THSD7B: variants seen among roughly 807,000 people sequenced by gnomAD.
The protein encoded by THSD7B is thrombospondin type 1 domain containing 7B.
A neutral mutation model predicts 213.6 loss-of-function variants in THSD7B; 138 were observed. The ratio of observed to expected loss-of-function variants is 0.65; its 90% CI spans 0.56 to 0.74. THSD7B has a LOEUF of 0.74. Among genes scored for constraint, THSD7B ranks in the 30% least tolerant of loss-of-function variants. The pLI, the probability that THSD7B is intolerant of heterozygous loss-of-function variation, is 0.00. For synonymous variants in THSD7B, 742 were observed against 687.0 expected, an observed-to-expected ratio of 1.08 and a Z score of -1.25; for missense variants, 1,931 against 1,991.5, an observed-to-expected ratio of 0.97 and a Z score of 0.58.
chr2:137,387,078 G>A (rs78603977), intron 12 of THSD7B, among the ~76,000 whole-genome samples: 4,816 of 152,220 alleles, frequency 0.032, 280 homozygotes, highest in African/African-American at 0.11. Context: ...TTTTGGGTGC[G>A]TTTCTCCCAA....
At chr2:137,275,567 T>C (rs1573927425) in intron 11 of THSD7B, among the ~76,000 whole-genome samples, 1 of 151,452 alleles carries the variant, frequency 6.6e-6, no homozygotes, top group African/African-American at 2.4e-5. Context: ...CAATTTTAAG[T>C]GCATAAAGAA....
intron 4 of THSD7B, among the ~76,000 whole-genome samples, chr2:137,101,380 A>T (rs923702851): frequency 1.3e-5 from 2 of 152,162 alleles, no homozygotes; most frequent in African/African-American, 4.8e-5. Context: ...CACTCTTCAC[A>T]TAGTAGGTAT....
At chr2:136,880,589 C>A (rs1259738350) in intron 1 of THSD7B, among the ~76,000 whole-genome samples, 8 of 152,038 alleles carry the variant, frequency 5.3e-5, no homozygotes, top group Admixed American at 5.2e-4. Flanking sequence ...TTCCTGTTTC[C>A]TGTTTTTGGT....
chr2:136,935,630 T>C (rs187857462), intron 2 of THSD7B, among the ~76,000 whole-genome samples: 1 of 152,182 alleles, frequency 6.6e-6, no homozygotes, highest in East Asian at 1.9e-4. Flanking sequence ...ATATTGAGAT[T>C]CAGATTGTGA....
At chr2:137,352,928 C>A (rs1344606421) in intron 12 of THSD7B, among the ~76,000 whole-genome samples, 1 of 151,992 alleles carries the variant, frequency 6.6e-6, no homozygotes, top group South Asian at 2.1e-4. Context: ...GCATTTCTAA[C>A]AGACAGATTT....
intron 2 of THSD7B, among the ~76,000 whole-genome samples, 178 bp from the exon 3 acceptor site, chr2:137,056,242 T>G (rs1230326500): frequency 6.6e-6 from 1 of 152,320 alleles, no homozygotes; most frequent in South Asian, 2.1e-4. Flanking sequence ...ACTGATGGAA[T>G]GCTTATTTCA....
intron 27 of THSD7B, among the ~76,000 whole-genome samples, chr2:137,670,657 C>T (rs748380634): frequency 1.3e-5 from 2 of 152,240 alleles, no homozygotes; most frequent in South Asian, 2.1e-4. Flanking sequence ...TGCGGTGGCT[C>T]ATGCCTGTAA....
Position 136,835,793 on chromosome 2 carries a change from A to G in THSD7B, c.-35-46351A>G, listed in dbSNP as rs569810840. On this transcript the variant is annotated intron_variant, in intron 1 of 27. Coordinates refer to ENST00000409968, the MANE Select transcript of THSD7B (RefSeq NM_001316349.2). Reference sequence around the variant, plus strand: ...TACTTCCTGAATTCCATGGCCCAAGAAGAGAAACTGGTACACATTTGAGTT... The same window carrying G: ...TACTTCCTGAATTCCATGGCCCAAGGAGAGAAACTGGTACACATTTGAGTT... Among the ~76,000 whole-genome samples the G allele has an allele frequency of 8.8e-4, 134 of 152,314 alleles. 2 individuals carry two copies. The South Asian group carries it at 0.021, about 24-fold the overall frequency.
chr2:137,512,337 G>A (rs1443501900), intron 15 of THSD7B: 2 of 137,790 alleles, frequency 1.5e-5, no homozygotes, highest in African/African-American at 2.8e-5. Flanking sequence ...CAGAATATAT[G>A]TAAGTTTTGT....
chr2:137,030,542 A>G lies in THSD7B; in HGVS notation c.140-25878A>G, dbSNP rs114483080. The stretch of plus-strand genomic sequence containing the variant: ...ACAAGGAGAGGCTCAGTATGTTGGG[A>G]GGATTTAGTGATAATGTATTTTAAG... On this transcript the variant is annotated intron_variant, in intron 2 of 27. Transcript: ENST00000409968. Among the ~76,000 whole-genome samples the G allele has an allele frequency of 1.8e-3, 273 of 152,292 alleles. 3 individuals carry two copies. Among genetic ancestry groups the G allele is most frequent in the African/African-American group, 6.4e-3 (264 of 41,562 alleles).
intron 6 of THSD7B, among the ~76,000 whole-genome samples, chr2:137,166,852 CTA>C (rs1379286179): frequency 6.6e-6 from 1 of 151,952 alleles, no homozygotes; most frequent in East Asian, 1.9e-4. Flanking sequence ...TTTTCTGTGT[CTA>C]TGTGTTTGGG....
intron 17 of THSD7B, among the ~76,000 whole-genome samples, chr2:137,598,535 A>T (rs1271884200): frequency 5.3e-5 from 8 of 152,230 alleles, no homozygotes; most frequent in Admixed American, 3.9e-4. Flanking sequence ...GCAAACAAGC[A>T]TTTATTAGAC....
intron 1 of THSD7B, among the ~76,000 whole-genome samples, chr2:136,791,181 GAT>G (rs760523703): frequency 2.0e-5 from 3 of 151,896 alleles, no homozygotes; most frequent in Non-Finnish European, 2.9e-5. Flanking sequence ...AAAATAGAAA[GAT>G]ATAGCAACTT....
intron 1 of THSD7B, among the ~76,000 whole-genome samples, chr2:136,770,644 G>A (rs1171616961): frequency 6.6e-6 from 1 of 152,092 alleles, no homozygotes; most frequent in Non-Finnish European, 1.5e-5. Flanking sequence ...ATTACCTAAG[G>A]CTGTTCTGAT....
chr2:136,811,161 C>G (rs1682368830), intron 1 of THSD7B, among the ~76,000 whole-genome samples: 1 of 152,160 alleles, frequency 6.6e-6, no homozygotes, highest in Admixed American at 6.5e-5. Context: ...CCACTGCGTT[C>G]CCCACTGCTG....
intron 17 of THSD7B, among the ~76,000 whole-genome samples, chr2:137,615,546 G>A (rs568220712): frequency 3.3e-5 from 5 of 152,248 alleles, no homozygotes; most frequent in African/African-American, 1.2e-4. Flanking sequence ...TGGAGCCACA[G>A]GTATCATGAT....
In THSD7B at chr2:137,475,839, T is replaced by A. The variant is rs368895811; in HGVS notation, c.3138+24816T>A. On this transcript the variant is annotated intron_variant, in intron 15 of 27. Transcript: ENST00000409968. ...TTTCCTTTGGATAAATACCCAGTAG[T>A]GAGAGTGCTGGGTTATATTGTGTTT... 1.4e-4 allele frequency among the ~76,000 whole-genome samples: 21 copies of A among 152,302 alleles called. No individual in the cohort carries two copies. In the East Asian group the frequency reaches 4.1e-3, roughly 29 times the overall value.
chr2:137,554,998 G>A (rs1041025399), intron 15 of THSD7B, among the ~76,000 whole-genome samples: 4 of 152,154 alleles, frequency 2.6e-5, no homozygotes, highest in Non-Finnish European at 4.4e-5. Context: ...TCTGAGGGAG[G>A]GGCGCCCACC....
At chr2:136,936,941 C>G (rs1396327415) in intron 2 of THSD7B, among the ~76,000 whole-genome samples, 2 of 152,032 alleles carry the variant, frequency 1.3e-5, no homozygotes, top group Non-Finnish European at 2.9e-5. Context: ...GTCTCTTCCC[C>G]TTTTTAATGA....
Sources: allele counts gnomAD v4.1 joint callset (sites outside exome capture counted in the v4.1 genomes callset), GRCh38; gene constraint gnomAD v4.1.1; transcripts MANE v1.5; gene names NCBI Gene and HGNC (gene_info 2026-07-23, HGNC 2026-07-21).